The following MIPOL1 variants were observed in gnomAD, a reference collection of about 807,000 sequenced individuals.
The protein encoded by MIPOL1 is mirror-image polydactyly 1, also known as mirror-image polydactyly gene 1 protein.
A neutral mutation model predicts 60.9 loss-of-function variants in MIPOL1; 57 were observed. The ratio of observed to expected loss-of-function variants is 0.94; its 90% CI spans 0.76 to 1.17. MIPOL1 has a LOEUF of 1.17. MIPOL1 is among the 50% of genes most tolerant of loss of function. The pLI is 0.00. For missense variants in MIPOL1, 551 were observed against 511.6 expected (o/e 1.08, Z -0.74); for synonymous variants, 179 against 168.8 (o/e 1.06, Z -0.47).
intron 7 of MIPOL1, among the ~76,000 whole-genome samples, chr14:37,285,870 G>A (rs754381430): frequency 1.4e-4 from 22 of 152,106 alleles, no homozygotes; most frequent in Non-Finnish European, 2.4e-4. Flanking sequence ...GAGATTAGAG[G>A]CATGAGCCAC....
intron 11 of MIPOL1, among the ~76,000 whole-genome samples, chr14:37,487,363 G>A (rs1003817124): frequency 7.9e-5 from 12 of 152,174 alleles, no homozygotes; most frequent in African/African-American, 2.7e-4. Flanking sequence ...AAATGAGTTA[G>A]GGAAGATTCC....
rs1246081715 is a variant in MIPOL1, at chr14:37,408,019, T to TTTTA, written c.937-14820_937-14817dup. ...TGTGCACCACCACGCCTGGCTAATTTTTTATTTATTTATTTATTTTATTTT... is the reference window on the plus strand; with the variant it reads ...TGTGCACCACCACGCCTGGCTAATTTTTTATTTATTTATTTATTTATTTTATTTT... On this transcript the variant is annotated intron_variant, in intron 10 of 12. Coordinates refer to ENST00000684589, the MANE Select transcript of MIPOL1 (RefSeq NM_001388067.1). Among the ~76,000 whole-genome samples, 21 of 151,176 alleles carry TTTTA rather than the reference T, an allele frequency of 1.4e-4. No homozygotes were observed. The East Asian group carries it at 3.5e-3, about 25-fold the overall frequency.
At chr14:37,323,919 A>G (rs2088879528) in intron 9 of MIPOL1, among the ~76,000 whole-genome samples, 1 of 152,056 alleles carries the variant, frequency 6.6e-6, no homozygotes, top group South Asian at 2.1e-4. Context: ...TTTTACTGAT[A>G]AGTAATACTT....
At chr14:37,293,676 CG>C (rs2085320769) in intron 7 of MIPOL1, among the ~76,000 whole-genome samples, 1 of 152,158 alleles carries the variant, frequency 6.6e-6, no homozygotes, top group Non-Finnish European at 1.5e-5. Flanking sequence ...ACACCTAGAT[CG>C]GAGGGTCCTA....
chr14:37,514,568 A>T (rs1484844833), intron 12 of MIPOL1, among the ~76,000 whole-genome samples: 4 of 152,098 alleles, frequency 2.6e-5, no homozygotes, highest in Non-Finnish European at 5.9e-5. Flanking sequence ...TGTCTCTATT[A>T]TTAAACACAC....
intron 9 of MIPOL1, among the ~76,000 whole-genome samples, chr14:37,325,485 T>C (rs1410248207): frequency 1.3e-5 from 2 of 151,944 alleles, no homozygotes; most frequent in Non-Finnish European, 2.9e-5. Context: ...TCTTTCCTTC[T>C]TCCTCCCTCC....
rs570163451 is a variant in MIPOL1, at chr14:37,299,345, C to T, written c.624-8711C>T. ...AGGAGATATACCTAATGCTAAATGACGAGTTAATGGGTGCAGCACACCAAC... is the reference window on the plus strand; with the variant it reads ...AGGAGATATACCTAATGCTAAATGATGAGTTAATGGGTGCAGCACACCAAC... On this transcript the variant is annotated intron_variant, in intron 7 of 12. Transcript: ENST00000684589. Among the ~76,000 whole-genome samples the T allele has an allele frequency of 6.0e-3, 917 of 151,898 alleles. 7 individuals carry two copies. Among genetic ancestry groups the T allele is most frequent in the African/African-American group, 0.019 (795 of 41,372 alleles).
At chr14:37,379,826 A>G (rs1489450662) in intron 10 of MIPOL1, among the ~76,000 whole-genome samples, 1 of 152,118 alleles carries the variant, frequency 6.6e-6, no homozygotes, top group Non-Finnish European at 1.5e-5. Flanking sequence ...TATAATGTGT[A>G]TGTAATACTG....
At chr14:37,510,177 C>G (rs761801718) in intron 12 of MIPOL1, among the ~76,000 whole-genome samples, 8 of 151,648 alleles carry the variant, frequency 5.3e-5, no homozygotes, top group Non-Finnish European at 1.2e-4. Context: ...TAGACATAGA[C>G]TGTATATATG....
chr14:37,495,219 C>A (rs1379883621), intron 11 of MIPOL1, among the ~76,000 whole-genome samples: 1 of 147,138 alleles, frequency 6.8e-6, no homozygotes, highest in Non-Finnish European at 1.5e-5. Context: ...CATGCTGGTG[C>A]GCTGCACCCA....
chr14:37,366,769 G>A (rs889041306), intron 9 of MIPOL1, among the ~76,000 whole-genome samples: 1 of 151,918 alleles, frequency 6.6e-6, no homozygotes, highest in Non-Finnish European at 1.5e-5. Flanking sequence ...AGCTATTATT[G>A]TATTGGAGCC....
intron 1 of MIPOL1, among the ~76,000 whole-genome samples, chr14:37,218,753 A>G (rs1209847390): frequency 1.3e-5 from 2 of 151,960 alleles, no homozygotes; most frequent in African/African-American, 2.4e-5. Context: ...CATAGGCAAC[A>G]TGAAGAGACT....
chr14:37,351,976 G>A (rs1355393157), intron 9 of MIPOL1, among the ~76,000 whole-genome samples: 1 of 140,988 alleles, frequency 7.1e-6, no homozygotes, highest in African/African-American at 2.6e-5. Flanking sequence ...TGAAGTCCTT[G>A]CCCATGCCTA....
chr14:37,240,079 T>C (rs904647244), intron 1 of MIPOL1, among the ~76,000 whole-genome samples: 1 of 152,170 alleles, frequency 6.6e-6, no homozygotes, highest in African/African-American at 2.4e-5. Flanking sequence ...GAGTGTAGTG[T>C]GCAATTATGG....
intron 10 of MIPOL1, among the ~76,000 whole-genome samples, chr14:37,403,454 C>G (rs1364436522): frequency 6.8e-5 from 1 of 14,806 alleles, no homozygotes; most frequent in African/African-American, 2.5e-4. Flanking sequence ...TTTTTTTTTT[C>G]AAGTAGAGAT....
At chr14:37,257,724 GAGAAAAATTAA>G (rs1975197071) in intron 3 of MIPOL1, among the ~76,000 whole-genome samples, 1 of 152,064 alleles carries the variant, frequency 6.6e-6, no homozygotes, top group African/African-American at 2.4e-5. Flanking sequence ...CAGCGCTGTG[GAGAAAAATTAA>G]AGTAGTAACC....
At position 37,404,164 on chromosome 14, in the gene MIPOL1, G is replaced by C. The variant is rs951618481; in HGVS notation, c.937-18691G>C. ...AAACTTGAATATTATATTTCAGAAA[G>C]TGGTGTCTACAAACTAAAATGTTTT... On this transcript the variant is annotated intron_variant, in intron 10 of 12. Coordinates refer to ENST00000684589, the MANE Select transcript of MIPOL1 (RefSeq NM_001388067.1). 2.6e-5 allele frequency among the ~76,000 whole-genome samples: 4 copies of C among 152,252 alleles called. No individual in the cohort carries two copies. In the East Asian group the frequency reaches 7.7e-4, roughly 29 times the overall value.
intron 1 of MIPOL1, among the ~76,000 whole-genome samples, chr14:37,224,686 C>A (rs569188341): frequency 6.6e-6 from 1 of 152,146 alleles, no homozygotes; most frequent in South Asian, 2.1e-4. Flanking sequence ...TGGGTGGGGA[C>A]ACATCCAAAC....
intron 11 of MIPOL1, among the ~76,000 whole-genome samples, chr14:37,479,859 A>G (rs1303116355): frequency 1.3e-5 from 2 of 152,140 alleles, no homozygotes; most frequent in East Asian, 3.9e-4. Flanking sequence ...AGGAGACCGT[A>G]CAACTGCTAA....
Sources: allele counts gnomAD v4.1 joint callset (sites outside exome capture counted in the v4.1 genomes callset), GRCh38; gene constraint gnomAD v4.1.1; transcripts MANE v1.5; gene names NCBI Gene and HGNC (gene_info 2026-07-23, HGNC 2026-07-21).